The following KCNH1 variants were observed in gnomAD, a reference collection of about 807,000 sequenced individuals.
KCNH1 encodes potassium voltage-gated channel subfamily H member 1, also known as voltage-gated delayed rectifier potassium channel KCNH1.
Under a neutral mutation model 69.2 loss-of-function variants are expected in KCNH1, and 27 were observed. The ratio of observed to expected loss-of-function variants is 0.39; its 90% confidence interval spans 0.29 to 0.54. KCNH1 has a LOEUF of 0.54. KCNH1 is among the 20% of genes least tolerant of loss of function. The probability of loss-of-function intolerance (pLI) is 0.68; values close to 1 mark genes in which losing one functional copy is unlikely to be tolerated. For missense variants in KCNH1, 798 were observed against 1,261.6 expected (o/e 0.63, Z 5.57); for synonymous variants, 456 against 487.7 (o/e 0.93, Z 0.86).
chr1:210,865,372 A>G (rs1686085332), intron 7 of KCNH1, among the ~76,000 whole-genome samples: 1 of 152,252 alleles, frequency 6.6e-6, no homozygotes, highest in African/African-American at 2.4e-5. Context: ...GACCAAGGTC[A>G]TATAGTTTTT....
chr1:210,944,613 G>A (rs1337199293), intron 6 of KCNH1, among the ~76,000 whole-genome samples: 6 of 152,214 alleles, frequency 3.9e-5, no homozygotes, highest in South Asian at 2.1e-4. Context: ...GCAGGGAAGG[G>A]TGCCTCATTT....
chr1:210,760,973 C>T (rs1299024038), intron 10 of KCNH1, among the ~76,000 whole-genome samples: 1 of 152,114 alleles, frequency 6.6e-6, no homozygotes, highest in East Asian at 1.9e-4. Context: ...CATGTAAAGG[C>T]CGGGCGCGGT....
rs560723671 is a variant in KCNH1 at position 210,847,158 on chromosome 1, G to A, written c.1463-42992C>T. On this transcript the variant is annotated intron_variant, in intron 7 of 10. Coordinates refer to ENST00000271751, the MANE Select transcript of KCNH1 (RefSeq NM_172362.3). ...GACTGTAAACTAGTTCAACCATTGT[G>A]GAAGTCAGTGTGGCGATTCCTCAGG... is the stretch of plus-strand genomic sequence containing the variant. 3.3e-5 allele frequency among the ~76,000 whole-genome samples: 5 copies of A among 152,302 alleles called. No homozygotes were observed. In the South Asian group the frequency reaches 8.3e-4, roughly 25 times the overall value.
chr1:210,896,478 T>C lies in KCNH1; in HGVS notation c.1462+23162A>G, dbSNP rs182421912. Among the ~76,000 whole-genome samples the C allele has an allele frequency of 1.3e-3, 204 of 152,322 alleles. 1 individual carries two copies. The highest frequency in any genetic ancestry group is 0.011 in the Admixed American group (171 of 15,302). On this transcript the variant is annotated intron_variant, in intron 7 of 10. Transcript: ENST00000271751. The stretch of plus-strand genomic sequence containing the variant: ...AAGGAGACTGAAGGGTTTTCTTCCT[T>C]TGTTTTTTCTGTATCTACATTAGAT...
At chr1:210,960,769 AAAGTC>A (rs1688277448) in intron 6 of KCNH1, among the ~76,000 whole-genome samples, 1 of 152,164 alleles carries the variant, frequency 6.6e-6, no homozygotes, top group Non-Finnish European at 1.5e-5. Flanking sequence ...TCAGTAAATA[AAAGTC>A]AAGTAGCAGG....
intron 6 of KCNH1, among the ~76,000 whole-genome samples, chr1:210,984,439 A>G (rs2102381611): frequency 6.6e-6 from 1 of 152,274 alleles, no homozygotes. Flanking sequence ...TTATTTTGAG[A>G]TACGTCCCAT....
At chr1:210,943,675 A>C (rs888688696) in intron 6 of KCNH1, among the ~76,000 whole-genome samples, 6 of 152,168 alleles carry the variant, frequency 3.9e-5, no homozygotes, top group African/African-American at 1.4e-4. Context: ...TTAAGCAGTG[A>C]GCAGGTTGCA....
chr1:210,696,060 T>G (rs1425511453), intron 10 of KCNH1, among the ~76,000 whole-genome samples: 1 of 152,212 alleles, frequency 6.6e-6, no homozygotes, highest in East Asian at 1.9e-4. Flanking sequence ...TGCACAAGCT[T>G]CTTCAGTTCT....
chr1:210,876,446 A>AT (rs1686375339), intron 7 of KCNH1, among the ~76,000 whole-genome samples: 1 of 152,090 alleles, frequency 6.6e-6, no homozygotes, highest in Non-Finnish European at 1.5e-5. Flanking sequence ...CAGTAGGAAA[A>AT]TTTCTTCTTC....
intron 8 of KCNH1, among the ~76,000 whole-genome samples, chr1:210,802,410 A>G (rs1216256116): frequency 6.6e-6 from 1 of 152,202 alleles, no homozygotes; most frequent in Non-Finnish European, 1.5e-5. Context: ...TGTTTTCCTC[A>G]TTCTAACGGT....
chr1:210,853,594 G>A (rs532546572), intron 7 of KCNH1, among the ~76,000 whole-genome samples: 1 of 152,322 alleles, frequency 6.6e-6, no homozygotes, highest in Non-Finnish European at 1.5e-5. Flanking sequence ...GGCCCAGCCT[G>A]ATTGGGTACA....
At chr1:211,096,781 C>T (rs937096186) in intron 3 of KCNH1, among the ~76,000 whole-genome samples, 1 of 151,948 alleles carries the variant, frequency 6.6e-6, no homozygotes, top group African/African-American at 2.4e-5. Flanking sequence ...TTAATTCAAA[C>T]AGAAAAATTA....
At chr1:210,749,029 C>T (rs1472322947) in intron 10 of KCNH1, among the ~76,000 whole-genome samples, 1 of 152,174 alleles carries the variant, frequency 6.6e-6, no homozygotes, top group Non-Finnish European at 1.5e-5. Flanking sequence ...CCTGTACTGC[C>T]CCAGTTTGAA....
At chr1:210,753,354 C>T (rs1404870724) in intron 10 of KCNH1, among the ~76,000 whole-genome samples, 1 of 152,112 alleles carries the variant, frequency 6.6e-6, no homozygotes, top group Non-Finnish European at 1.5e-5. Flanking sequence ...AGGACACACA[C>T]AAATAATGGA....
chr1:211,105,124 T>C (rs935952872), intron 2 of KCNH1, among the ~76,000 whole-genome samples: 10 of 152,212 alleles, frequency 6.6e-5, no homozygotes, highest in African/African-American at 2.2e-4. Context: ...ACTCATGTAG[T>C]TCTCTGCTTT....
chr1:211,124,052 T>C (rs919630705), intron 1 of KCNH1, among the ~76,000 whole-genome samples: 1 of 152,200 alleles, frequency 6.6e-6, no homozygotes, highest in African/African-American at 2.4e-5. Flanking sequence ...GAGAATTTCA[T>C]CTGACAGGAG....
intron 6 of KCNH1, among the ~76,000 whole-genome samples, chr1:210,956,176 G>A (rs990350622): frequency 1.1e-4 from 16 of 151,890 alleles, no homozygotes; most frequent in East Asian, 1.9e-4. Context: ...GGTTTATGTC[G>A]TTGGTTCTGT....
intron 10 of KCNH1, among the ~76,000 whole-genome samples, chr1:210,693,919 T>C (rs1394443702): frequency 6.6e-6 from 1 of 152,170 alleles, no homozygotes; most frequent in African/African-American, 2.4e-5. Context: ...GATGGAAGCA[T>C]GTGCAAACCA....
intron 10 of KCNH1, 146 bp from the exon 11 acceptor site, chr1:210,684,284 A>C: frequency 4.1e-6 from 3 of 740,254 alleles, no homozygotes; most frequent in Middle Eastern, 8.5e-4. Flanking sequence ...ACAAGGCCTC[A>C]TGAGGCTTTT....
Sources: allele counts gnomAD v4.1 joint callset (sites outside exome capture counted in the v4.1 genomes callset), GRCh38; gene constraint gnomAD v4.1.1; transcripts MANE v1.5; gene names NCBI Gene and HGNC (gene_info 2026-07-23, HGNC 2026-07-21).